Variants in MARCHF8 observed in about 807,000 individuals in gnomAD.
MARCHF8 encodes membrane associated ring-CH-type finger 8, also known as E3 ubiquitin-protein ligase MARCHF8.
MARCHF8 carries 40 observed loss-of-function variants against 51.6 expected under a neutral mutation model. The ratio of observed to expected loss-of-function variants is 0.77; its 90% CI spans 0.60 to 1.01. MARCHF8 has a LOEUF of 1.01. MARCHF8 is among the 50% of genes least tolerant of loss of function. MARCHF8 has a pLI of 0.00. For missense variants in MARCHF8, 685 were observed against 708.6 expected (o/e 0.97, Z 0.38); for synonymous variants, 263 against 280.3 (o/e 0.94, Z 0.62).
chr10:45,566,418 C>T (rs2044364952), intron 1 of MARCHF8, among the ~76,000 whole-genome samples: 2 of 152,100 alleles, frequency 1.3e-5, no homozygotes, highest in South Asian at 2.1e-4. Flanking sequence ...CCCTTCAGCA[C>T]CCCACTACCC....
At chr10:45,506,103 A>T (rs190427628) in intron 2 of MARCHF8, among the ~76,000 whole-genome samples, 1 of 152,342 alleles carries the variant, frequency 6.6e-6, no homozygotes. Flanking sequence ...ATATATTCTG[A>T]TTTACTCATA....
rs1345875725 is a variant in MARCHF8, at chr10:45,464,241, G to A, written c.240C>T (p.Cys80=). 5 of 1,613,772 alleles carry A rather than the reference G, an allele frequency of 3.1e-6. No individual in the cohort carries two copies. The highest frequency in any genetic ancestry group is 1.3e-5 in the African/African-American group (1 of 74,918). ...CAGCATCTGAAGCAGAGTGTTACCT[G>A]CAGATGTCCTGGCTGGATGGCGTGA... ...TSITPSSQDI[C]SSSAVFSECC... The change falls in exon 4 of 8, where the codon TGC becomes TGT. Residue 80 remains cysteine (C), a splice_region_variant and synonymous_variant. Coordinates refer to ENST00000453424, the MANE Select transcript of MARCHF8 (RefSeq NM_001282866.2).
intron 1 of MARCHF8, among the ~76,000 whole-genome samples, chr10:45,568,949 G>A (rs143860948): frequency 0.01 from 1,495 of 147,448 alleles, 31 homozygotes; most frequent in African/African-American, 0.036. Flanking sequence ...CCTGTAGTCC[G>A]AGCTACTCGG....
intron 5 of MARCHF8, 91 bp downstream of exon 5, chr10:45,463,060 C>T: frequency 6.9e-7 from 1 of 1,439,850 alleles, no homozygotes; most frequent in South Asian, 1.4e-5. Flanking sequence ...CTTCCTATTA[C>T]TTCATTTTCC....
At chr10:45,576,905 T>G (rs529432607) in intron 1 of MARCHF8, among the ~76,000 whole-genome samples, 1 of 148,036 alleles carries the variant, frequency 6.8e-6, no homozygotes, top group African/African-American at 2.5e-5. Context: ...TACAGTGAGC[T>G]ACAATTGCAC....
At chr10:45,530,870 G>T (rs1318112721) in intron 2 of MARCHF8, among the ~76,000 whole-genome samples, 1 of 152,136 alleles carries the variant, frequency 6.6e-6, no homozygotes, top group Non-Finnish European at 1.5e-5. Flanking sequence ...AACAATGACA[G>T]AAAAGAGGAC....
At chr10:45,530,748 G>A in intron 2 of MARCHF8, among the ~76,000 whole-genome samples, 1 of 152,078 alleles carries the variant, frequency 6.6e-6, no homozygotes, top group Non-Finnish European at 1.5e-5. Flanking sequence ...ATGCTAGCCT[G>A]GGCAACAGAG....
rs568075401 is a variant in MARCHF8, at chr10:45,480,588, G to A, written c.153+8779C>T. ...TCTAACCAAAGGATACAAGCAGCCA[G>A]GGTATAGTTCAGGTCATGGCTTCAG... On this transcript the variant is annotated intron_variant, in intron 3 of 7. Transcript: ENST00000453424. 4.8e-4 allele frequency among the ~76,000 whole-genome samples: 73 copies of A among 152,050 alleles called. No individual in the cohort carries two copies. In the South Asian group the frequency reaches 0.015, roughly 31 times the overall value.
chr10:45,499,455 T>C (rs1564487001), intron 2 of MARCHF8, among the ~76,000 whole-genome samples: 2 of 152,200 alleles, frequency 1.3e-5, no homozygotes, highest in Admixed American at 6.5e-5. Context: ...CTAATTTCTG[T>C]ATTTTTACTT....
chr10:45,593,369 T>C (rs181319008), intron 1 of MARCHF8: 1 of 152,298 alleles, frequency 6.6e-6, no homozygotes. Context: ...TCATACTGTT[T>C]ATATTTTCAC....
At chr10:45,567,952 A>G (rs1416502294) in intron 1 of MARCHF8, among the ~76,000 whole-genome samples, 1 of 152,050 alleles carries the variant, frequency 6.6e-6, no homozygotes, top group African/African-American at 2.4e-5. Flanking sequence ...GTCCTCTTCA[A>G]TTTCTTGCAT....
intron 3 of MARCHF8, among the ~76,000 whole-genome samples, chr10:45,478,237 GA>G (rs2042821672): frequency 6.6e-6 from 1 of 152,072 alleles, no homozygotes; most frequent in Admixed American, 6.6e-5. Context: ...TTTAAAACTA[GA>G]AATCAACTAG....
intron 2 of MARCHF8, among the ~76,000 whole-genome samples, chr10:45,503,581 AAAAAT>A (rs1420466742): frequency 6.8e-6 from 1 of 147,746 alleles, no homozygotes; most frequent in African/African-American, 2.5e-5. Flanking sequence ...AATAAAAACT[AAAAAT>A]AAATAAAAAA....
At chr10:45,521,362 CT>C (rs1209805119) in intron 2 of MARCHF8, among the ~76,000 whole-genome samples, 1 of 152,186 alleles carries the variant, frequency 6.6e-6, no homozygotes, top group Non-Finnish European at 1.5e-5. Context: ...TTTTTATTCC[CT>C]AGAACAATGC....
At chr10:45,467,175 G>A (rs770485305) in intron 3 of MARCHF8, among the ~76,000 whole-genome samples, 1 of 152,114 alleles carries the variant, frequency 6.6e-6, no homozygotes, top group Non-Finnish European at 1.5e-5. Flanking sequence ...CCAATCTTAT[G>A]AAAACATTAC....
intron 2 of MARCHF8, among the ~76,000 whole-genome samples, chr10:45,492,322 T>C (rs1462408855): frequency 6.6e-6 from 1 of 151,756 alleles, no homozygotes; most frequent in African/African-American, 2.4e-5. Flanking sequence ...TTTTGATACG[T>C]AGTCTCGCTC....
At chr10:45,516,527 G>T (rs1159685727) in intron 2 of MARCHF8, among the ~76,000 whole-genome samples, 1 of 152,136 alleles carries the variant, frequency 6.6e-6, no homozygotes, top group African/African-American at 2.4e-5. Flanking sequence ...ACTTTGGGAG[G>T]CCAAGGTGGG....
At chr10:45,502,472 G>A (rs187224900) in intron 2 of MARCHF8, among the ~76,000 whole-genome samples, 16 of 152,244 alleles carry the variant, frequency 1.1e-4, no homozygotes, top group Non-Finnish European at 2.4e-4. Flanking sequence ...AAAACTGAAT[G>A]AACTACAAGA....
intron 7 of MARCHF8, 119 bp downstream of exon 7, chr10:45,459,001 C>T: frequency 7.6e-7 from 1 of 1,311,642 alleles, no homozygotes; most frequent in Middle Eastern, 2.4e-4. Context: ...TGCCTCCTAA[C>T]TGATGTCCCT....
Sources: gnomAD v4.1 joint callset for allele counts (sites outside exome capture counted in the v4.1 genomes callset) on GRCh38, gnomAD v4.1.1 for gene constraint, MANE v1.5 for transcripts, NCBI Gene and HGNC (gene_info 2026-07-23, HGNC 2026-07-21) for gene names.